The following CSMD1 variants were observed in gnomAD, a reference collection of about 807,000 sequenced individuals.
CSMD1 encodes CUB and Sushi multiple domains 1, also known as CUB and sushi domain-containing protein 1.
CSMD1 carries 213 observed loss-of-function variants against 417.5 expected under a neutral mutation model. That is an observed-to-expected ratio of 0.51 (90% confidence interval 0.46 to 0.57). The LOEUF is 0.57. Among genes scored for constraint, CSMD1 ranks in the 20% least tolerant of loss-of-function variants. The probability of loss-of-function intolerance (pLI) is 0.00; values close to 1 mark genes in which losing one functional copy is unlikely to be tolerated. For synonymous variants in CSMD1, 2,862 were observed against 1,736.8 expected (o/e 1.65, Z -16.11); for missense variants, 6,923 against 4,529.7 (o/e 1.53, Z -15.17).
At chr8:3,778,085 G>C (rs1004526956) in intron 5 of CSMD1, among the ~76,000 whole-genome samples, 1 of 152,216 alleles carries the variant, frequency 6.6e-6, no homozygotes, top group Non-Finnish European at 1.5e-5. Context: ...TGGAGTTTGA[G>C]AGCTGCTGGC....
intron 6 of CSMD1, among the ~76,000 whole-genome samples, chr8:3,736,127 C>A (rs1796509243): frequency 6.6e-6 from 1 of 152,166 alleles, no homozygotes; most frequent in Non-Finnish European, 1.5e-5. Flanking sequence ...TACATTAAAT[C>A]TTTTCAGTAC....
chr8:3,789,891 C>G (rs1799640379), intron 5 of CSMD1, among the ~76,000 whole-genome samples: 1 of 152,060 alleles, frequency 6.6e-6, no homozygotes, highest in Non-Finnish European at 1.5e-5. Context: ...ACCACCACGC[C>G]TGGCTAATTT....
chr8:4,920,183 G>C (rs1355700988), intron 1 of CSMD1, among the ~76,000 whole-genome samples: 3 of 152,024 alleles, frequency 2.0e-5, no homozygotes, highest in Non-Finnish European at 4.4e-5. Flanking sequence ...CCTTTTCTAA[G>C]AGTCTTATGC....
chr8:4,732,982 T>A (rs1013123121), intron 1 of CSMD1, among the ~76,000 whole-genome samples: 1 of 151,546 alleles, frequency 6.6e-6, no homozygotes, highest in Admixed American at 6.6e-5. Context: ...TCAGCACAAA[T>A]CTCTAGGGCT....
intron 1 of CSMD1, among the ~76,000 whole-genome samples, chr8:4,834,970 AAAAAAAAAAAGAAAGAAAG>A (rs1379186523): frequency 2.3e-5 from 1 of 44,190 alleles, no homozygotes; most frequent in African/African-American, 4.2e-5. Context: ...AAAAAAAAAA[AAAAAAAAAAAGAAAGAAAG>A]AAAGAAAGAA....
At chr8:3,328,895 A>T (rs1412905587) in intron 23 of CSMD1, among the ~76,000 whole-genome samples, 2 of 152,248 alleles carry the variant, frequency 1.3e-5, no homozygotes, top group Non-Finnish European at 2.9e-5. Flanking sequence ...TCATTATATC[A>T]TTCCTTCAAA....
intron 12 of CSMD1, among the ~76,000 whole-genome samples, chr8:3,451,331 G>A (rs550871364): frequency 6.6e-6 from 1 of 152,098 alleles, no homozygotes; most frequent in Non-Finnish European, 1.5e-5. Flanking sequence ...TAGATCCCAT[G>A]TGTCAATTTT....
chr8:3,752,186 AG>A (rs1563340878), intron 6 of CSMD1, among the ~76,000 whole-genome samples: 1 of 152,034 alleles, frequency 6.6e-6, no homozygotes, highest in Non-Finnish European at 1.5e-5. Context: ...AGATATGGGG[AG>A]GTATGGAAAA....
At chr8:3,819,980 G>A (rs181117933) in intron 5 of CSMD1, among the ~76,000 whole-genome samples, 4 of 152,120 alleles carry the variant, frequency 2.6e-5, no homozygotes, top group Non-Finnish European at 5.9e-5. Context: ...GCTGTCCCCA[G>A]ACTTGAATCC....
chr8:4,593,457 C>A (rs1281450916), intron 2 of CSMD1, among the ~76,000 whole-genome samples: 1 of 152,052 alleles, frequency 6.6e-6, no homozygotes, highest in African/African-American at 2.4e-5. Context: ...GGAGAATGGC[C>A]ATTTAGTGAA....
chr8:4,343,782 G>T lies in CSMD1; in HGVS notation c.415+76171C>A, dbSNP rs559507587. ...GGGGCTCATCTTTCTCATCCTACACGTTCCGTATTAGAAATATGTGGAACA... is the reference window on the plus strand; with the variant it reads ...GGGGCTCATCTTTCTCATCCTACACTTTCCGTATTAGAAATATGTGGAACA... On this transcript the variant is annotated intron_variant, in intron 3 of 69. Coordinates refer to ENST00000635120, the MANE Select transcript of CSMD1 (RefSeq NM_033225.6). Among the ~76,000 whole-genome samples the T allele has an allele frequency of 8.6e-5, 13 of 151,974 alleles. No individual in the cohort carries two copies. The East Asian group carries it at 1.6e-3, about 18-fold the overall frequency.
chr8:4,980,809 C>T (rs751282468), intron 1 of CSMD1, among the ~76,000 whole-genome samples: 77 of 151,662 alleles, frequency 5.1e-4, no homozygotes, highest in Non-Finnish European at 8.1e-4. Context: ...GGGGCTGACA[C>T]GGGAGGATCA....
chr8:3,831,205 A>T (rs1802358133), intron 5 of CSMD1, among the ~76,000 whole-genome samples: 1 of 152,228 alleles, frequency 6.6e-6, no homozygotes, highest in African/African-American at 2.4e-5. Context: ...GATTTTTCAC[A>T]AAAGCATGTG....
chr8:3,734,643 G>A (rs539691344), intron 6 of CSMD1, among the ~76,000 whole-genome samples: 36 of 152,276 alleles, frequency 2.4e-4, no homozygotes, highest in Admixed American at 3.9e-4. Context: ...CCTGGGAGGC[G>A]GAGGTCGCAG....
chr8:3,953,565 G>C (rs1811727184), intron 5 of CSMD1, among the ~76,000 whole-genome samples: 1 of 152,182 alleles, frequency 6.6e-6, no homozygotes, highest in Middle Eastern at 3.4e-3. Context: ...ACTTCCCTGG[G>C]ATAGATAATT....
intron 3 of CSMD1, among the ~76,000 whole-genome samples, chr8:4,341,873 A>C (rs1800497237): frequency 6.6e-6 from 1 of 152,104 alleles, no homozygotes; most frequent in Admixed American, 6.6e-5. Flanking sequence ...AGCTGATGTT[A>C]ACCTTCCACA....
chr8:4,032,960 T>C (rs543906585), intron 3 of CSMD1, among the ~76,000 whole-genome samples: 3 of 152,020 alleles, frequency 2.0e-5, no homozygotes, highest in East Asian at 1.9e-4. Flanking sequence ...GGCTCCTCAA[T>C]TCCGATACGA....
intron 3 of CSMD1, among the ~76,000 whole-genome samples, chr8:4,147,120 A>T (rs578060865): frequency 3.3e-5 from 5 of 151,268 alleles, no homozygotes; most frequent in Non-Finnish European, 7.4e-5. Context: ...CTCCTGACCA[A>T]TCTCTTCCTC....
At chr8:4,236,678 T>C (rs1175504677) in intron 3 of CSMD1, among the ~76,000 whole-genome samples, 2 of 152,226 alleles carry the variant, frequency 1.3e-5, no homozygotes, top group African/African-American at 4.8e-5. Flanking sequence ...TTATTTAAAC[T>C]CTTCAAGCTT....
Sources: allele counts gnomAD v4.1 joint callset (sites outside exome capture counted in the v4.1 genomes callset), GRCh38; gene constraint gnomAD v4.1.1; transcripts MANE v1.5; gene names NCBI Gene and HGNC (gene_info 2026-07-23, HGNC 2026-07-21).